The following MEI1 variants were observed in gnomAD, a reference collection of about 807,000 sequenced individuals.
The protein encoded by MEI1 is meiotic double-stranded break formation protein 1.
MEI1 carries 103 observed loss-of-function variants against 146.2 expected under a neutral mutation model. That is an observed-to-expected ratio of 0.70 (90% CI 0.60 to 0.83). MEI1 has a LOEUF of 0.83. Among genes scored for constraint, MEI1 ranks in the 40% least tolerant of loss-of-function variants. The probability of loss-of-function intolerance (pLI) is 0.00; values close to 1 mark genes in which losing one functional copy is unlikely to be tolerated. For synonymous variants in MEI1, 652 were observed against 628.2 expected (o/e 1.04, Z -0.57); for missense variants, 1,529 against 1,533.0 (o/e 1.00, Z 0.04).
At chr22:41,723,840 G>C in intron 6 of MEI1, 103 bp from the exon 7 acceptor site, 1 of 1,339,024 alleles carries the variant, frequency 7.5e-7, no homozygotes, top group Non-Finnish European at 1.0e-6. Flanking sequence ...CATATTTGTA[G>C]AGGGATGAAG....
In MEI1 at chr22:41,767,682, T is replaced by C. The variant is rs539189899; in HGVS notation, c.2269-3004T>C. The C allele has an allele frequency of 7.6e-4, 338 of 443,592 alleles. 2 individuals are homozygous for C. The highest frequency in any genetic ancestry group is 4.3e-3 in the Middle Eastern group (13 of 3,036). 27.5% of individuals were successfully genotyped at this position (443,592 alleles called of 1,614,324 possible). A position where few individuals can be genotyped will look rare whatever the true frequency, so the allele number is the denominator to read the frequency against. On this transcript the variant is annotated intron_variant, in intron 19 of 30. Coordinates refer to ENST00000401548, the MANE Select transcript of MEI1 (RefSeq NM_152513.4). ...ATTTCAGCTACTCAACCAATGTGGATTGACCACTTGACATGAGCTAGGTAC... is the reference window on the plus strand; with the variant it reads ...ATTTCAGCTACTCAACCAATGTGGACTGACCACTTGACATGAGCTAGGTAC...
intron 22 of MEI1, among the ~76,000 whole-genome samples, chr22:41,781,066 C>T (rs951935113): frequency 2.0e-5 from 3 of 152,208 alleles, no homozygotes; most frequent in African/African-American, 7.2e-5. Flanking sequence ...CTGTGATGTG[C>T]AGCTGTAGGC....
chr22:41,724,174 A>C, intron 7 of MEI1, 101 bp downstream of exon 7: 1 of 1,443,382 alleles, frequency 6.9e-7, no homozygotes, highest in Non-Finnish European at 9.4e-7. Flanking sequence ...CAGATTTCCA[A>C]GTGTTTTCTT....
At chr22:41,718,830 G>A (rs1242534081) in intron 6 of MEI1, among the ~76,000 whole-genome samples, 2 of 151,976 alleles carry the variant, frequency 1.3e-5, no homozygotes, top group African/African-American at 4.8e-5. Context: ...GCAAAGAGAG[G>A]GCAAGAGAAA....
intron 2 of MEI1, among the ~76,000 whole-genome samples, chr22:41,704,250 A>G (rs1225392879): frequency 1.3e-5 from 2 of 152,162 alleles, no homozygotes; most frequent in Admixed American, 6.5e-5. Flanking sequence ...GAGACTTTTC[A>G]GGCTTTTAAC....
chr22:41,775,992 T>G, intron 20 of MEI1, 110 bp from the exon 21 acceptor site: 1 of 1,138,034 alleles, frequency 8.8e-7, no homozygotes, highest in Non-Finnish European at 1.3e-6. Context: ...GATTACCCAG[T>G]TTTTGTGACA....
chr22:41,745,327 C>A (rs2073206717), intron 13 of MEI1, among the ~76,000 whole-genome samples: 2 of 152,120 alleles, frequency 1.3e-5, no homozygotes, highest in Admixed American at 6.5e-5. Context: ...CCTTCGTTCC[C>A]CACCACCCCC....
At chr22:41,783,472 A>G (rs1000037573) in intron 24 of MEI1, among the ~76,000 whole-genome samples, 1 of 152,082 alleles carries the variant, frequency 6.6e-6, no homozygotes, top group African/African-American at 2.4e-5. Flanking sequence ...TTGTATTTTT[A>G]GTAGAGACGG....
At chr22:41,713,425 C>G (rs1055153746) in intron 3 of MEI1, among the ~76,000 whole-genome samples, 6 of 151,804 alleles carry the variant, frequency 4.0e-5, no homozygotes, top group Non-Finnish European at 7.4e-5. Context: ...TATGATCACA[C>G]CACTGCACTT....
rs540979466 is a variant in MEI1 at position 41,793,658 on chromosome 22, G to A, written c.3346-171G>A. On this transcript the variant is annotated intron_variant, in intron 26 of 30. Coordinates refer to ENST00000401548, the MANE Select transcript of MEI1 (RefSeq NM_152513.4). ...ACAGTATAAGCACTGTGCTCTGTAT[G>A]AGGGTGAGAGATGAAGCCAATAAAC... Among the ~76,000 whole-genome samples the A allele has an allele frequency of 6.6e-5, 10 of 152,352 alleles. No homozygotes were observed. The South Asian group carries it at 1.7e-3, about 25-fold the overall frequency.
At chr22:41,761,911 A>G (rs1029242652) in intron 18 of MEI1, among the ~76,000 whole-genome samples, 1 of 152,168 alleles carries the variant, frequency 6.6e-6, no homozygotes, top group Non-Finnish European at 1.5e-5. Context: ...TCCACTTAGC[A>G]TATCATTTTA....
chr22:41,706,740 G>A (rs374655956), intron 3 of MEI1, among the ~76,000 whole-genome samples: 5 of 151,634 alleles, frequency 3.3e-5, no homozygotes, highest in South Asian at 2.1e-4. Context: ...AAAAATTGTC[G>A]AAGCGCATGG....
intron 26 of MEI1, 24 bp from the exon 27 acceptor site, chr22:41,793,805 G>GCTT: frequency 7.4e-7 from 1 of 1,354,152 alleles, no homozygotes; most frequent in Admixed American, 2.1e-5. Context: ...AACCTGACCT[G>GCTT]ATTTTTTTTT....
At chr22:41,745,575 TAGAG>T (rs1326814154) in intron 13 of MEI1, among the ~76,000 whole-genome samples, 1 of 152,040 alleles carries the variant, frequency 6.6e-6, no homozygotes, top group South Asian at 2.1e-4. Context: ...GTATTCCAGA[TAGAG>T]AGAGCAGCAT....
chr22:41,715,054 A>G (rs1470743257), intron 4 of MEI1, among the ~76,000 whole-genome samples: 1 of 152,208 alleles, frequency 6.6e-6, no homozygotes, highest in Non-Finnish European at 1.5e-5. Context: ...GTTATTTTAC[A>G]TATGATTAAT....
At chr22:41,741,390 A>G (rs1226465274) in intron 11 of MEI1, among the ~76,000 whole-genome samples, 2 of 152,246 alleles carry the variant, frequency 1.3e-5, no homozygotes, top group Non-Finnish European at 2.9e-5. Flanking sequence ...TCTATTAATC[A>G]TCAACTTACA....
At chr22:41,772,120 T>C (rs1357175718) in intron 20 of MEI1, among the ~76,000 whole-genome samples, 2 of 152,234 alleles carry the variant, frequency 1.3e-5, no homozygotes, top group East Asian at 3.8e-4. Context: ...ACTCCTAGGC[T>C]ACAAACCTGT....
At chr22:41,718,809 A>G (rs1323499141) in intron 6 of MEI1, among the ~76,000 whole-genome samples, 1 of 152,118 alleles carries the variant, frequency 6.6e-6, no homozygotes, top group African/African-American at 2.4e-5. Flanking sequence ...CTGTCATCCC[A>G]TGGTGGAAGG....
intron 19 of MEI1, among the ~76,000 whole-genome samples, chr22:41,768,433 C>T (rs1231641830): frequency 6.6e-6 from 1 of 150,986 alleles, no homozygotes; most frequent in African/African-American, 2.4e-5. Context: ...ATTCCATTTA[C>T]AATAGCATCA....
Sources: allele counts gnomAD v4.1 joint callset (sites outside exome capture counted in the v4.1 genomes callset), GRCh38; gene constraint gnomAD v4.1.1; transcripts MANE v1.5; gene names NCBI Gene and HGNC (gene_info 2026-07-23, HGNC 2026-07-21).